The following TUSC3 variants were observed in gnomAD, a reference collection of about 807,000 sequenced individuals.
TUSC3 encodes the protein tumor suppressor candidate 3.
TUSC3 carries 45 observed loss-of-function variants against 44.8 expected under a neutral mutation model. The observed-to-expected ratio is 1.00, with a 90% CI of 0.79 to 1.29. The LOEUF (loss-of-function observed/expected upper bound fraction) is 1.29, where lower values mean the gene tolerates loss of function less well. TUSC3 is among the 50% of genes most tolerant of loss of function. The pLI is 0.00. For missense variants in TUSC3, 519 were observed against 437.9 expected (o/e 1.19, Z -1.65); for synonymous variants, 212 against 152.9 (o/e 1.39, Z -2.85).
At chr8:15,770,050 A>G (rs980154684), downstream of TUSC3, among the ~76,000 whole-genome samples, 2 of 152,204 alleles carry the variant, frequency 1.3e-5, no homozygotes, top group African/African-American at 2.4e-5. Context: ...TGACCCAGCA[A>G]TCCCATTACT....
intron 1 of TUSC3, among the ~76,000 whole-genome samples, chr8:15,479,765 GCT>G (rs1387950677): frequency 6.6e-6 from 1 of 152,034 alleles, no homozygotes; most frequent in African/African-American, 2.4e-5. Flanking sequence ...GGCTATATTG[GCT>G]CTTTTTCAAC....
At position 15,421,432 on chromosome 8, in the gene TUSC3, C is replaced by T. The variant is rs968563632; in HGVS notation, n.91+4127C>T. On this transcript the variant is annotated intron_variant and non_coding_transcript_variant, in intron 1 of 5. Coordinates refer to the TUSC3 transcript ENST00000503191. ...TCCTTCAGACACCTTCATTTGCCAACCTCTTCACTCATCAAGTCTTTGTTC... is the reference window on the plus strand; with the variant it reads ...TCCTTCAGACACCTTCATTTGCCAATCTCTTCACTCATCAAGTCTTTGTTC... Among the ~76,000 whole-genome samples the T allele has an allele frequency of 3.3e-5, 5 of 152,182 alleles. No homozygotes were observed. In the South Asian group the frequency reaches 8.3e-4, roughly 25 times the overall value.
At chr8:15,453,093 A>G (rs950792285) in intron 1 of TUSC3, among the ~76,000 whole-genome samples, 2 of 152,166 alleles carry the variant, frequency 1.3e-5, no homozygotes, top group Non-Finnish European at 2.9e-5. Flanking sequence ...AGATTTTGGT[A>G]TCTAGACTTG....
intron 10 of TUSC3, among the ~76,000 whole-genome samples, chr8:15,762,306 CAAGT>C (rs925924192): frequency 2.0e-4 from 30 of 151,686 alleles, no homozygotes; most frequent in African/African-American, 7.3e-4. Context: ...ATCTAACTAA[CAAGT>C]AATCAGTTTC....
the TUSC3 span, among the ~76,000 whole-genome samples, chr8:15,785,026 C>T: frequency 1.1e-3 from 159 of 151,264 alleles, 2 homozygotes; most frequent in African/African-American, 3.7e-3. Flanking sequence ...TATATATACA[C>T]ACAATTATTT....
chr8:15,804,786 T>A, the TUSC3 span, among the ~76,000 whole-genome samples: 2 of 152,196 alleles, frequency 1.3e-5, no homozygotes, highest in Admixed American at 6.5e-5. Context: ...TCTTTTTGCT[T>A]AGGATTGTTT....
intron 2 of TUSC3, among the ~76,000 whole-genome samples, chr8:15,623,743 G>T (rs1439260781): frequency 6.6e-6 from 1 of 151,970 alleles, no homozygotes; most frequent in Non-Finnish European, 1.5e-5. Context: ...ATAAATACTT[G>T]TCCAAAAGTA....
intron 4 of TUSC3, among the ~76,000 whole-genome samples, chr8:15,660,973 C>G (rs1807397345): frequency 6.8e-6 from 1 of 148,072 alleles, no homozygotes; most frequent in South Asian, 2.1e-4. Flanking sequence ...GAAATGAAAA[C>G]AGTACAAATA....
chr8:15,434,766 G>A (rs1473744734), intron 1 of TUSC3, among the ~76,000 whole-genome samples: 3 of 151,578 alleles, frequency 2.0e-5, no homozygotes, highest in African/African-American at 7.3e-5. Flanking sequence ...GTTCCCACCT[G>A]TGAGTGAGAA....
intron 3 of TUSC3, among the ~76,000 whole-genome samples, chr8:15,651,538 A>C (rs1806903785): frequency 6.6e-6 from 1 of 152,238 alleles, no homozygotes; most frequent in Non-Finnish European, 1.5e-5. Context: ...AAAGGGACTG[A>C]TGTCCATATA....
the TUSC3 span, among the ~76,000 whole-genome samples, chr8:15,788,406 G>A: frequency 6.6e-6 from 1 of 152,046 alleles, no homozygotes; most frequent in South Asian, 2.1e-4. Context: ...AATTAGCCGG[G>A]CTTGGTGGCA....
At chr8:15,576,468 C>G (rs976762210) in intron 1 of TUSC3, among the ~76,000 whole-genome samples, 1 of 119,406 alleles carries the variant, frequency 8.4e-6, no homozygotes, top group East Asian at 2.7e-4. Flanking sequence ...CCCCTCCCCC[C>G]ACCCCACCAC....
intron 2 of TUSC3, among the ~76,000 whole-genome samples, chr8:15,490,706 G>C (rs527797473): frequency 6.6e-6 from 1 of 152,236 alleles, no homozygotes; most frequent in Admixed American, 6.5e-5. Flanking sequence ...CTGCAATAAA[G>C]GGTGCACTCA....
chr8:15,553,926 G>A (rs542180142), intron 1 of TUSC3, among the ~76,000 whole-genome samples: 1 of 151,860 alleles, frequency 6.6e-6, no homozygotes, highest in South Asian at 2.1e-4. Flanking sequence ...TTTCCCCCAT[G>A]CATATGGTAG....
At chr8:15,545,096 T>G (rs12543002) in intron 1 of TUSC3, among the ~76,000 whole-genome samples, 10 of 151,518 alleles carry the variant, frequency 6.6e-5, no homozygotes, top group African/African-American at 2.4e-4. Flanking sequence ...AACAAGGAAA[T>G]TAAAATTCAG....
the TUSC3 span, among the ~76,000 whole-genome samples, chr8:15,785,614 C>G: frequency 6.6e-6 from 1 of 152,036 alleles, no homozygotes; most frequent in Non-Finnish European, 1.5e-5. Flanking sequence ...GCAATCTGAG[C>G]ACTGCAACAC....
intron 1 of TUSC3, among the ~76,000 whole-genome samples, chr8:15,588,824 G>C (rs762798342): frequency 6.6e-6 from 1 of 152,032 alleles, no homozygotes; most frequent in South Asian, 2.1e-4. Context: ...CTTTCCCCCA[G>C]TGTTTGTTTT....
At chr8:15,775,748 C>CTATATATATATA in the TUSC3 span, among the ~76,000 whole-genome samples, 8 of 138,888 alleles carry the variant, frequency 5.8e-5, no homozygotes, top group African/African-American at 2.1e-4. Context: ...ATATATTACA[C>CTATATATATATA]TATATATATA....
chr8:15,629,019 T>G (rs1805639642), intron 2 of TUSC3, among the ~76,000 whole-genome samples: 1 of 152,222 alleles, frequency 6.6e-6, no homozygotes, highest in Non-Finnish European at 1.5e-5. Flanking sequence ...AGAACAGGTT[T>G]TGTGTAGAAG....
Sources: gnomAD v4.1 joint callset for allele counts (sites outside exome capture counted in the v4.1 genomes callset) on GRCh38, gnomAD v4.1.1 for gene constraint, MANE v1.5 for transcripts, NCBI Gene and HGNC (gene_info 2026-07-23, HGNC 2026-07-21) for gene names.